CCDC85A: variants seen among roughly 807,000 people sequenced by gnomAD.
The protein encoded by CCDC85A is coiled-coil domain containing 85A, also known as coiled-coil domain-containing protein 85A.
Under a neutral mutation model 50.2 loss-of-function variants are expected in CCDC85A, and 38 were observed. The ratio of observed to expected loss-of-function variants is 0.76; its 90% CI spans 0.58 to 0.99. The LOEUF (loss-of-function observed/expected upper bound fraction) is 0.99, where lower values mean the gene tolerates loss of function less well. CCDC85A is among the 50% of genes least tolerant of loss of function. The pLI is 0.00. For missense variants in CCDC85A, 820 were observed against 742.0 expected, an observed-to-expected ratio of 1.11 and a Z score of -1.22; for synonymous variants, 366 against 301.4, an observed-to-expected ratio of 1.21 and a Z score of -2.22.
intron 3 of CCDC85A, among the ~76,000 whole-genome samples, chr2:56,371,756 T>G (rs1255369665): frequency 6.6e-6 from 1 of 152,106 alleles, no homozygotes; most frequent in East Asian, 1.9e-4. Flanking sequence ...ATACAAAGTT[T>G]GATGATTATG....
At chr2:56,204,667 T>G (rs1489531267) in intron 2 of CCDC85A, among the ~76,000 whole-genome samples, 1 of 152,214 alleles carries the variant, frequency 6.6e-6, no homozygotes, top group Non-Finnish European at 1.5e-5. Flanking sequence ...GTTGTGCATC[T>G]GGGCCTGGAC....
At chr2:56,336,468 C>G (rs1240154238) in intron 2 of CCDC85A, among the ~76,000 whole-genome samples, 1 of 152,112 alleles carries the variant, frequency 6.6e-6, no homozygotes, top group Non-Finnish European at 1.5e-5. Flanking sequence ...CTTATACACT[C>G]TTAAAAATGC....
In CCDC85A at chr2:56,184,312, C is replaced by G. The variant is rs1675893929; in HGVS notation, c.-313C>G. 1 of 629,444 alleles carries G rather than the reference C, an allele frequency of 1.6e-6. No individual in the cohort carries two copies. The highest frequency in any genetic ancestry group is 6.3e-5 in the East Asian group (1 of 15,932). 39.0% of individuals were successfully genotyped at this position (629,444 alleles called of 1,614,324 possible). A position where few individuals can be genotyped will look rare whatever the true frequency, so the allele number is the denominator to read the frequency against. On this transcript the variant is annotated 5_prime_UTR_variant, in exon 1 of 6. Transcript: ENST00000407595. Reference sequence around the variant, plus strand: ...GGCGGTGCAGCTCCCCCGCTGTCCCCGAGGATTTCCCGCGGCAGCCCCGGG... The same window carrying G: ...GGCGGTGCAGCTCCCCCGCTGTCCCGGAGGATTTCCCGCGGCAGCCCCGGG...
chr2:56,332,713 G>T (rs575759960), intron 2 of CCDC85A, among the ~76,000 whole-genome samples: 15 of 123,580 alleles, frequency 1.2e-4, no homozygotes, highest in African/African-American at 4.2e-4. Context: ...TTCTCTCCCT[G>T]CTCTACCTTT....
At chr2:56,356,709 A>T (rs942574053) in intron 3 of CCDC85A, among the ~76,000 whole-genome samples, 1 of 144,014 alleles carries the variant, frequency 6.9e-6, no homozygotes, top group Non-Finnish European at 1.5e-5. Flanking sequence ...TGGCCGACAG[A>T]ACTTTTTTTT....
At chr2:56,252,235 A>C (rs1288523117) in intron 2 of CCDC85A, among the ~76,000 whole-genome samples, 1 of 151,812 alleles carries the variant, frequency 6.6e-6, no homozygotes, top group African/African-American at 2.4e-5. Context: ...TTTAGTAGAG[A>C]CAGGGTTTCC....
intron 5 of CCDC85A, among the ~76,000 whole-genome samples, chr2:56,383,301 C>T (rs980215608): frequency 2.6e-5 from 4 of 151,938 alleles, no homozygotes; most frequent in Non-Finnish European, 4.4e-5. Context: ...TTTGTGTTCA[C>T]GTCAGAGTGT....
chr2:56,305,956 G>A (rs1672424890), intron 2 of CCDC85A, among the ~76,000 whole-genome samples: 1 of 152,154 alleles, frequency 6.6e-6, no homozygotes, highest in Non-Finnish European at 1.5e-5. Flanking sequence ...TTCACTCCAA[G>A]AAGTGATTCT....
At position 56,192,417 on chromosome 2, in the gene CCDC85A, C is replaced by G; in HGVS notation, c.277-60C>G. ...TACAGGCTCTCCCTTTCCAGGAAGTCTGAGCCTGCTGACACCTCAGATGTG... is the reference window on the plus strand; with the variant it reads ...TACAGGCTCTCCCTTTCCAGGAAGTGTGAGCCTGCTGACACCTCAGATGTG... On this transcript the variant is annotated intron_variant, in intron 1 of 5. Coordinates refer to ENST00000407595, the MANE Select transcript of CCDC85A (RefSeq NM_001080433.2). This position sits in a 1 kb window ranked among gnomAD's most constrained non-coding sequence, Gnocchi z 4.7. 1.3e-6 allele frequency: 2 copies of G among 1,535,376 alleles called. No homozygotes were observed. The highest frequency in any genetic ancestry group is 1.8e-6 in the Non-Finnish European group (2 of 1,141,456).
chr2:56,334,613 G>T (rs1425879779), intron 2 of CCDC85A, among the ~76,000 whole-genome samples: 1 of 151,986 alleles, frequency 6.6e-6, no homozygotes, highest in Non-Finnish European at 1.5e-5. Context: ...AATATACACA[G>T]GTAGAGAGCT....
At chr2:56,202,875 A>T (rs1676801035) in intron 2 of CCDC85A, among the ~76,000 whole-genome samples, 1 of 152,200 alleles carries the variant, frequency 6.6e-6, no homozygotes, top group South Asian at 2.1e-4. Flanking sequence ...AAACAGAATA[A>T]TAAGACCCTG....
At chr2:56,374,906 A>G (rs1676259911) in intron 4 of CCDC85A, among the ~76,000 whole-genome samples, 1 of 152,242 alleles carries the variant, frequency 6.6e-6, no homozygotes, top group African/African-American at 2.4e-5. Flanking sequence ...ATCAACTTGA[A>G]TGGAGCAATT....
At chr2:56,298,050 C>T (rs1370703559) in intron 2 of CCDC85A, among the ~76,000 whole-genome samples, 2 of 152,174 alleles carry the variant, frequency 1.3e-5, no homozygotes, top group Non-Finnish European at 2.9e-5. Context: ...GGTCATGCCC[C>T]AGGCATCAGA....
chr2:56,190,545 A>G (rs1004685845), intron 1 of CCDC85A, among the ~76,000 whole-genome samples: 5 of 152,216 alleles, frequency 3.3e-5, no homozygotes, highest in Non-Finnish European at 5.9e-5. Flanking sequence ...ATGGTAGACC[A>G]TAGATTGGGG....
At chr2:56,226,321 C>T (rs1474061925) in intron 2 of CCDC85A, among the ~76,000 whole-genome samples, 1 of 152,132 alleles carries the variant, frequency 6.6e-6, no homozygotes, top group Non-Finnish European at 1.5e-5. Flanking sequence ...TTTTGCTTTG[C>T]TTACCATTGG....
chr2:56,350,752 C>CTTTT (rs373522130), intron 3 of CCDC85A, among the ~76,000 whole-genome samples: 268 of 129,034 alleles, frequency 2.1e-3, no homozygotes, highest in Middle Eastern at 4.2e-3. Context: ...GAGACCTTTC[C>CTTTT]TTTTTTTTTT....
intron 2 of CCDC85A, among the ~76,000 whole-genome samples, chr2:56,278,308 A>G (rs575145875): frequency 5.1e-4 from 77 of 152,242 alleles, no homozygotes; most frequent in African/African-American, 1.7e-3. Context: ...GGGTCTGGGT[A>G]CATAACATAA....
intron 2 of CCDC85A, among the ~76,000 whole-genome samples, chr2:56,266,418 C>T (rs998229512): frequency 3.9e-5 from 6 of 151,946 alleles, no homozygotes; most frequent in African/African-American, 1.4e-4. Context: ...AAAAGCAAAC[C>T]AAATAGCTAA....
intron 2 of CCDC85A, among the ~76,000 whole-genome samples, chr2:56,281,569 A>G (rs1177982473): frequency 6.6e-6 from 1 of 152,194 alleles, no homozygotes; most frequent in Non-Finnish European, 1.5e-5. Flanking sequence ...GTTGTTCCAC[A>G]TCCCTCATAC....
Sources: gnomAD v4.1 joint callset for allele counts (sites outside exome capture counted in the v4.1 genomes callset) on GRCh38, gnomAD v4.1.1 for gene constraint, Gnocchi (gnomAD v3.1) non-coding constraint, MANE v1.5 for transcripts, NCBI Gene and HGNC (gene_info 2026-07-23, HGNC 2026-07-21) for gene names.